Variants in AKAP13 observed in about 807,000 individuals in gnomAD.
AKAP13 encodes A-kinase anchoring protein 13.
In AKAP13, 80 loss-of-function variants were observed where a neutral mutation model predicts 264.5. The ratio of observed to expected loss-of-function variants is 0.30; its 90% confidence interval spans 0.25 to 0.36. The LOEUF (loss-of-function observed/expected upper bound fraction) is 0.36, where lower values mean the gene tolerates loss of function less well. AKAP13 is among the 10% of genes least tolerant of loss of function. AKAP13 has a pLI of 1.00. For synonymous variants in AKAP13, 1,380 were observed against 1,250.2 expected, an observed-to-expected ratio of 1.10 and a Z score of -2.19; for missense variants, 3,712 against 3,435.2, an observed-to-expected ratio of 1.08 and a Z score of -2.01.
rs368850007 is a variant in AKAP13 at position 85,581,782 on chromosome 15, C to T, written c.3714C>T (p.Asp1238=). 122 of 1,614,002 alleles carry T rather than the reference C, an allele frequency of 7.6e-5. No homozygotes were observed. Among genetic ancestry groups the T allele is most frequent in the Non-Finnish European group, 1.0e-4 (118 of 1,179,990 alleles). Residue 1238 remains aspartate, a synonymous_variant, in exon 7 of 37, where the codon GAC becomes GAT. Coordinates refer to ENST00000394518, the MANE Select transcript of AKAP13 (RefSeq NM_007200.5). ...TACCTTGCATGGTCTCTGCCCAGGA[C>T]GCACCTCTGCCTAAGGGGGCAGACT... ...PSLPCMVSAQ[D]APLPKGADLI...
chr15:85,657,815 G>C (rs562302769), intron 11 of AKAP13, among the ~76,000 whole-genome samples: 1 of 151,338 alleles, frequency 6.6e-6, no homozygotes, highest in South Asian at 2.1e-4. Context: ...TTTTTGGCAG[G>C]ACAGTCTTAT....
chr15:85,473,978 C>G (rs2075058935), intron 1 of AKAP13, among the ~76,000 whole-genome samples: 1 of 152,142 alleles, frequency 6.6e-6, no homozygotes. Flanking sequence ...AAATAAAATC[C>G]TCACTTCTTA....
chr15:85,693,000 C>T (rs2085375407), intron 16 of AKAP13: 1 of 351,644 alleles, frequency 2.8e-6, no homozygotes, highest in Non-Finnish European at 5.1e-6. Context: ...AGTGCTGGTC[C>T]TTGGGTATTG....
At chr15:85,665,040 A>C (rs2083512450) in intron 13 of AKAP13, among the ~76,000 whole-genome samples, 1 of 151,976 alleles carries the variant, frequency 6.6e-6, no homozygotes, top group Non-Finnish European at 1.5e-5. Flanking sequence ...CCATCTCTAC[A>C]AAAAATTTAA....
chr15:85,496,911 G>C (rs913788407), intron 2 of AKAP13, among the ~76,000 whole-genome samples: 1 of 151,654 alleles, frequency 6.6e-6, no homozygotes, highest in Admixed American at 6.6e-5. Flanking sequence ...GTTTCTTTCT[G>C]TTGGACTTTT....
At chr15:85,571,270 T>TC (rs1261872567) in intron 5 of AKAP13, among the ~76,000 whole-genome samples, 1 of 151,804 alleles carries the variant, frequency 6.6e-6, no homozygotes, top group Non-Finnish European at 1.5e-5. Context: ...CTTATGTACT[T>TC]TTTTTTTACT....
At chr15:85,477,729 A>G (rs2075219403) in intron 1 of AKAP13, among the ~76,000 whole-genome samples, 1 of 150,782 alleles carries the variant, frequency 6.6e-6, no homozygotes, top group South Asian at 2.1e-4. Flanking sequence ...GCTGCAACAC[A>G]TTTATTTTTC....
Position 85,438,426 on chromosome 15 carries a change from A to C in AKAP13, c.-11-47284A>C, listed in dbSNP as rs1415326448. Among the ~76,000 whole-genome samples, 102 of 151,866 alleles carry C rather than the reference A, an allele frequency of 6.7e-4. 1 individual carries two copies. Among genetic ancestry groups the C allele is most frequent in the African/African-American group, 2.1e-3 (88 of 41,232 alleles). On this transcript the variant is annotated intron_variant, in intron 1 of 36. Transcript: ENST00000394518. ...TTTACAGATTCAACTCCATCCCCAT[A>C]AAGCTACCAATGACTTTCTTCACAG...
At chr15:85,525,941 G>A (rs1278440855) in intron 3 of AKAP13, among the ~76,000 whole-genome samples, 2 of 152,152 alleles carry the variant, frequency 1.3e-5, no homozygotes, top group Admixed American at 6.5e-5. Context: ...TTTTGTAAAA[G>A]GCTTTGGTGC....
chr15:85,501,670 A>G (rs2076040804), intron 2 of AKAP13, among the ~76,000 whole-genome samples: 2 of 152,072 alleles, frequency 1.3e-5, no homozygotes, highest in South Asian at 4.1e-4. Context: ...TTTTTTCTAC[A>G]TTTTAAAGCA....
chr15:85,475,027 A>G (rs2075106954), intron 1 of AKAP13, among the ~76,000 whole-genome samples: 1 of 152,134 alleles, frequency 6.6e-6, no homozygotes, highest in Non-Finnish European at 1.5e-5. Context: ...CATTTGTGTG[A>G]GAGCCTACCT....
intron 8 of AKAP13, among the ~76,000 whole-genome samples, chr15:85,623,796 C>T (rs527389232): frequency 6.6e-6 from 1 of 152,352 alleles, no homozygotes; most frequent in African/African-American, 2.4e-5. Context: ...TCCCCCAGTT[C>T]TCCTTTTCTT....
At chr15:85,617,113 C>T (rs924993971) in intron 8 of AKAP13, among the ~76,000 whole-genome samples, 28 of 152,210 alleles carry the variant, frequency 1.8e-4, no homozygotes, top group Non-Finnish European at 3.4e-4. Flanking sequence ...TGAAGACAGA[C>T]ACCTTGTTAC....
intron 5 of AKAP13, among the ~76,000 whole-genome samples, chr15:85,569,873 C>G (rs967429849): frequency 3.3e-5 from 5 of 151,336 alleles, no homozygotes; most frequent in Non-Finnish European, 7.4e-5. Context: ...GTCAGGAGAT[C>G]AAGACCATCC....
chr15:85,498,988 G>A (rs2075966579), intron 2 of AKAP13, among the ~76,000 whole-genome samples: 1 of 152,152 alleles, frequency 6.6e-6, no homozygotes, highest in African/African-American at 2.4e-5. Flanking sequence ...AGCCTCCTAT[G>A]AATTAAATTG....
At chr15:85,464,775 A>G (rs1344744263) in intron 1 of AKAP13, among the ~76,000 whole-genome samples, 1 of 152,154 alleles carries the variant, frequency 6.6e-6, no homozygotes, top group East Asian at 1.9e-4. Context: ...CTCTCTAACA[A>G]TAAGGTTATG....
At position 85,708,224 on chromosome 15, in the gene AKAP13, A is replaced by G. The variant is rs1255195487; in HGVS notation, c.5532+138A>G. On this transcript the variant is annotated intron_variant, in intron 18 of 36. Coordinates refer to ENST00000394518, the MANE Select transcript of AKAP13 (RefSeq NM_007200.5). The surrounding 1 kb of genome is among the most constrained non-coding windows in gnomAD (Gnocchi z 4.3). ...GTACCAACTTTGAGAACAAATTATAACTAAAAAATATTTTTTCTCTTAAGC... is the reference window on the plus strand; with the variant it reads ...GTACCAACTTTGAGAACAAATTATAGCTAAAAAATATTTTTTCTCTTAAGC... The G allele has an allele frequency of 2.8e-6, 2 of 712,514 alleles. No individual in the cohort carries two copies. Among genetic ancestry groups the G allele is most frequent in the African/African-American group, 1.8e-5 (1 of 55,976 alleles). 44.1% of individuals were successfully genotyped at this position (712,514 alleles called of 1,614,324 possible). A position where few individuals can be genotyped will look rare whatever the true frequency, so the allele number is the denominator to read the frequency against.
chr15:85,460,949 G>GT (rs35141349), intron 1 of AKAP13, among the ~76,000 whole-genome samples: 79,966 of 148,428 alleles, frequency 0.54, 21,979 homozygotes, highest in Admixed American at 0.64. Context: ...GGGGAACAGA[G>GT]TTTTTTTTTT....
At chr15:85,641,347 G>A (rs2082299143) in intron 9 of AKAP13, among the ~76,000 whole-genome samples, 3 of 151,096 alleles carry the variant, frequency 2.0e-5, no homozygotes, top group Admixed American at 1.3e-4. Context: ...TCGGGAGACT[G>A]AGGCAGAAGA....
Sources: gnomAD v4.1 joint callset for allele counts (sites outside exome capture counted in the v4.1 genomes callset) on GRCh38, gnomAD v4.1.1 for gene constraint, Gnocchi (gnomAD v3.1) non-coding constraint, MANE v1.5 for transcripts, NCBI Gene and HGNC (gene_info 2026-07-23, HGNC 2026-07-21) for gene names.